GPC6: variants seen among roughly 807,000 people sequenced by gnomAD.
GPC6 encodes the protein glypican 6.
GPC6 carries 14 observed loss-of-function variants against 55.2 expected under a neutral mutation model. The observed-to-expected ratio is 0.25, with a 90% CI of 0.17 to 0.40. The LOEUF (loss-of-function observed/expected upper bound fraction) is 0.40, where lower values mean the gene tolerates loss of function less well. Ranked by LOEUF, GPC6 falls within the 10% of genes least tolerant of loss-of-function variation. GPC6 has a pLI of 1.00. For synonymous variants in GPC6, 278 were observed against 259.6 expected, an observed-to-expected ratio of 1.07 and a Z score of -0.68; for missense variants, 641 against 708.5, an observed-to-expected ratio of 0.90 and a Z score of 1.08.
At chr13:93,702,391 T>C (rs2138796276) in intron 2 of GPC6, among the ~76,000 whole-genome samples, 1 of 152,110 alleles carries the variant, frequency 6.6e-6, no homozygotes, top group South Asian at 2.1e-4. Context: ...GTTTTTTTGT[T>C]TCTAGAACAC....
chr13:93,537,093 A>C (rs145526425), intron 1 of GPC6, among the ~76,000 whole-genome samples: 1 of 152,124 alleles, frequency 6.6e-6, no homozygotes, highest in African/African-American at 2.4e-5. Flanking sequence ...AAGTTTCCTG[A>C]AGACACCTCC....
rs922490153 is a variant in GPC6 at position 94,302,770 on chromosome 13, A to G, written c.1009-3210A>G. Among the ~76,000 whole-genome samples the G allele has an allele frequency of 2.6e-5, 4 of 152,296 alleles. No homozygotes were observed. The East Asian group carries it at 7.7e-4, about 29-fold the overall frequency. On this transcript the variant is annotated intron_variant, in intron 5 of 8. Coordinates refer to ENST00000377047, the MANE Select transcript of GPC6 (RefSeq NM_005708.5). ...CCAAGATGGCCACGGGTGGCTTCCAAGATGGCGACAAGCCTCTTGATCTCT... is the reference window on the plus strand; with the variant it reads ...CCAAGATGGCCACGGGTGGCTTCCAGGATGGCGACAAGCCTCTTGATCTCT...
At chr13:94,069,609 A>G (rs894119089) in intron 4 of GPC6, among the ~76,000 whole-genome samples, 1 of 152,106 alleles carries the variant, frequency 6.6e-6, no homozygotes, top group African/African-American at 2.4e-5. Flanking sequence ...CAGTACCCAA[A>G]TCACCTCTTG....
intron 2 of GPC6, among the ~76,000 whole-genome samples, chr13:93,596,477 A>G (rs749495035): frequency 6.6e-6 from 1 of 151,908 alleles, no homozygotes; most frequent in Non-Finnish European, 1.5e-5. Flanking sequence ...CTATTTAAGG[A>G]GAAGGGCAGT....
chr13:93,832,375 A>G (rs540877583), intron 3 of GPC6, among the ~76,000 whole-genome samples: 1 of 151,884 alleles, frequency 6.6e-6, no homozygotes, highest in African/African-American at 2.4e-5. Context: ...GTTAAACTCA[A>G]TAATAGGATT....
chr13:93,520,957 A>G (rs1256803837), intron 1 of GPC6, among the ~76,000 whole-genome samples: 1 of 151,970 alleles, frequency 6.6e-6, no homozygotes, highest in African/African-American at 2.4e-5. Flanking sequence ...TAGAGTGTGG[A>G]GGTCACGTTA....
chr13:93,763,800 T>G (rs1194368416), intron 2 of GPC6, among the ~76,000 whole-genome samples: 1 of 149,718 alleles, frequency 6.7e-6, no homozygotes, highest in Non-Finnish European at 1.5e-5. Flanking sequence ...TTTGAGATGT[T>G]GGAATAATTA....
intron 3 of GPC6, among the ~76,000 whole-genome samples, chr13:93,844,740 A>G (rs1258461360): frequency 6.9e-6 from 1 of 145,200 alleles, no homozygotes; most frequent in Admixed American, 7.0e-5. Context: ...CCTGAATGGT[A>G]ATGCCTAGGT....
intron 2 of GPC6, among the ~76,000 whole-genome samples, chr13:93,587,982 C>T (rs1375715178): frequency 1.3e-5 from 2 of 152,174 alleles, no homozygotes; most frequent in Non-Finnish European, 2.9e-5. Context: ...CACAAGTGAA[C>T]TTCTTTTAGC....
At chr13:93,341,194 G>T (rs545088141) in intron 1 of GPC6, among the ~76,000 whole-genome samples, 1 of 152,094 alleles carries the variant, frequency 6.6e-6, no homozygotes, top group Non-Finnish European at 1.5e-5. Context: ...TTACAATTGC[G>T]AATTGTGTGC....
intron 4 of GPC6, among the ~76,000 whole-genome samples, chr13:94,283,112 A>G (rs1174600929): frequency 6.6e-6 from 1 of 152,198 alleles, no homozygotes; most frequent in East Asian, 1.9e-4. Context: ...TTACTCCCTT[A>G]TTCCTCATAG....
chr13:93,396,447 CA>C (rs1045431850), intron 1 of GPC6, among the ~76,000 whole-genome samples: 8 of 152,028 alleles, frequency 5.3e-5, no homozygotes, highest in South Asian at 2.1e-4. Context: ...CCAGTAATCC[CA>C]GCTACTCGGG....
intron 4 of GPC6, among the ~76,000 whole-genome samples, chr13:94,119,102 C>T (rs1490432231): frequency 6.6e-6 from 1 of 151,544 alleles, no homozygotes; most frequent in African/African-American, 2.4e-5. Flanking sequence ...TGTATAAAAT[C>T]AGAATTCTTG....
At chr13:93,292,569 T>G (rs1878351531) in intron 1 of GPC6, among the ~76,000 whole-genome samples, 1 of 152,186 alleles carries the variant, frequency 6.6e-6, no homozygotes, top group African/African-American at 2.4e-5. Flanking sequence ...CTTGTATATA[T>G]GTATGTCAAG....
At chr13:93,964,174 G>A (rs1300367341) in intron 3 of GPC6, among the ~76,000 whole-genome samples, 1 of 152,156 alleles carries the variant, frequency 6.6e-6, no homozygotes, top group Non-Finnish European at 1.5e-5. Flanking sequence ...CCATGATGAA[G>A]GAACTCACAG....
At chr13:94,240,686 G>C (rs757195165) in intron 4 of GPC6, among the ~76,000 whole-genome samples, 4 of 152,108 alleles carry the variant, frequency 2.6e-5, no homozygotes, top group Non-Finnish European at 5.9e-5. Flanking sequence ...ATTTCAGAGA[G>C]TGATGAATGC....
chr13:93,487,781 T>C (rs1051682992), intron 1 of GPC6, among the ~76,000 whole-genome samples: 2 of 152,208 alleles, frequency 1.3e-5, no homozygotes, highest in Non-Finnish European at 2.9e-5. Flanking sequence ...GGGGAAATAA[T>C]AGTAGTCACT....
At chr13:93,762,048 G>A (rs1884970884) in intron 2 of GPC6, among the ~76,000 whole-genome samples, 1 of 151,996 alleles carries the variant, frequency 6.6e-6, no homozygotes, top group Admixed American at 6.6e-5. Flanking sequence ...CCTCCCGTCA[G>A]CCTCTGGTAA....
At chr13:93,388,660 A>G (rs895466123) in intron 1 of GPC6, among the ~76,000 whole-genome samples, 4 of 152,196 alleles carry the variant, frequency 2.6e-5, no homozygotes, top group African/African-American at 9.6e-5. Flanking sequence ...TGACCTCTGT[A>G]AGGGACATAG....
Sources: allele counts gnomAD v4.1 joint callset (sites outside exome capture counted in the v4.1 genomes callset), GRCh38; gene constraint gnomAD v4.1.1; transcripts MANE v1.5; gene names NCBI Gene and HGNC (gene_info 2026-07-23, HGNC 2026-07-21).